CPM: variants seen among roughly 807,000 people sequenced by gnomAD.
CPM encodes renal carboxypeptidase.
Under a neutral mutation model 46.4 loss-of-function variants are expected in CPM, and 35 were observed. That is an observed-to-expected ratio of 0.75 (90% CI 0.58 to 1.00). The LOEUF (loss-of-function observed/expected upper bound fraction) is 1.00. Ranked by LOEUF, CPM falls within the 50% of genes least tolerant of loss-of-function variation. The pLI, the probability that CPM is intolerant of heterozygous loss-of-function variation, is 0.00. For missense variants in CPM, 422 were observed against 530.4 expected (o/e 0.80, Z 2.01); for synonymous variants, 195 against 195.3 (o/e 1.00, Z 0.01).
rs943660900 is a variant in CPM at position 68,877,263 on chromosome 12, C to G, written c.259-5307G>C. On this transcript the variant is annotated intron_variant, in intron 3 of 8. Transcript: ENST00000551568. ...AACTCCACCATCGAAGCCCCGAAGT[C>G]AGGGACCTTCACGGTTTTTCTCTGT... Among the ~76,000 whole-genome samples, 9 of 152,298 alleles carry G rather than the reference C, an allele frequency of 5.9e-5. No homozygotes were observed. In the South Asian group the frequency reaches 1.9e-3, roughly 32 times the overall value.
At chr12:68,951,549 G>C (rs1592715522) in intron 1 of CPM, among the ~76,000 whole-genome samples, 1 of 152,164 alleles carries the variant, frequency 6.6e-6, no homozygotes, top group African/African-American at 2.4e-5. Flanking sequence ...GGAATCTTCT[G>C]TCATTTTAGG....
chr12:68,895,016 G>A (rs138409137), intron 2 of CPM, among the ~76,000 whole-genome samples: 1 of 125,834 alleles, frequency 7.9e-6, no homozygotes, highest in East Asian at 2.3e-4. Context: ...GTGACAGAGC[G>A]AGACTCAGTC....
At chr12:68,844,986 T>C in intron 5 of CPM, 1 of 194,112 alleles carries the variant, frequency 5.2e-6, no homozygotes. Context: ...CAGGCTGGGC[T>C]CAAACTCCTG....
chr12:68,933,119 G>C (rs1429810891), intron 1 of CPM, 23 bp downstream of exon 1: 2 of 330,164 alleles, frequency 6.1e-6, no homozygotes, highest in Non-Finnish European at 1.1e-5. Context: ...GCTGCGCCCG[G>C]CCCCGCGCAC....
chr12:68,941,493 C>T (rs1265532780), intron 1 of CPM, among the ~76,000 whole-genome samples: 1 of 152,036 alleles, frequency 6.6e-6, no homozygotes, highest in East Asian at 1.9e-4. Context: ...CCCACCTGAG[C>T]CTCCCGGGTA....
At chr12:68,903,695 T>G (rs941159675) in intron 2 of CPM, among the ~76,000 whole-genome samples, 1 of 152,238 alleles carries the variant, frequency 6.6e-6, no homozygotes. Context: ...TGAGGCACAT[T>G]GCTCACTGGC....
At chr12:68,869,205 G>T in intron 6 of CPM, 120 bp downstream of exon 6, 1 of 765,708 alleles carries the variant, frequency 1.3e-6, no homozygotes, top group Non-Finnish European at 2.1e-6. Context: ...AGCTGATAAG[G>T]ACAGAGTGAA....
Position 68,948,936 on chromosome 12 carries a change from A to G in CPM, c.-4+14233T>C, listed in dbSNP as rs182759849. ...TGGAGTGGAGGTAAAAGTACTCATA[A>G]CTTGGTGCCCCACAGTTATTTGTGG... is the stretch of plus-strand genomic sequence containing the variant. On this transcript the variant is annotated intron_variant, in intron 1 of 8. Transcript: ENST00000546373. Among the ~76,000 whole-genome samples, 50 of 152,346 alleles carry G rather than the reference A, an allele frequency of 3.3e-4. No individual in the cohort carries two copies. The East Asian group carries it at 6.9e-3, about 21-fold the overall frequency.
At chr12:68,860,450 T>G (rs1227204567) in intron 7 of CPM, among the ~76,000 whole-genome samples, 4 of 152,184 alleles carry the variant, frequency 2.6e-5, no homozygotes, top group Non-Finnish European at 5.9e-5. Context: ...TTATTTTGTT[T>G]TATTTAATTA....
chr12:68,876,867 G>GGTGT (rs141965346), intron 3 of CPM, among the ~76,000 whole-genome samples: 6 of 150,266 alleles, frequency 4.0e-5, no homozygotes, highest in Admixed American at 1.3e-4. Flanking sequence ...AGTGTTGTGT[G>GGTGT]GTGTGTGTGT....
intron 2 of CPM, among the ~76,000 whole-genome samples, chr12:68,923,201 GTGTGTGTGTGTGTT>G (rs1888112810): frequency 6.9e-6 from 1 of 144,588 alleles, no homozygotes; most frequent in African/African-American, 2.6e-5. Context: ...GTGTGTGTGT[GTGTGTGTGTGTGTT>G]TTGAGTAATT....
intron 1 of CPM, among the ~76,000 whole-genome samples, chr12:68,949,703 G>A (rs961965296): frequency 2.0e-5 from 3 of 152,204 alleles, no homozygotes; most frequent in Non-Finnish European, 4.4e-5. Context: ...GGTGTATTAG[G>A]TTGTTGAATT....
intron 7 of CPM, among the ~76,000 whole-genome samples, chr12:68,860,739 C>T (rs768631895): frequency 1.3e-4 from 20 of 152,182 alleles, no homozygotes; most frequent in Non-Finnish European, 2.6e-4. Context: ...TTCTAGTTCT[C>T]AAGTCACTGA....
At chr12:68,941,578 T>A (rs1004787320) in intron 1 of CPM, among the ~76,000 whole-genome samples, 1 of 152,168 alleles carries the variant, frequency 6.6e-6, no homozygotes, top group African/African-American at 2.4e-5. Context: ...AGTCTCACCA[T>A]GTTGCCCAGG....
intron 2 of CPM, among the ~76,000 whole-genome samples, 164 bp downstream of exon 2, chr12:68,932,514 C>T (rs1383882568): frequency 6.6e-6 from 1 of 152,190 alleles, no homozygotes. Context: ...TACTATTCCT[C>T]CCAACAAAAG....
At chr12:68,857,499 A>C (rs1410941187) in intron 8 of CPM, among the ~76,000 whole-genome samples, 1 of 151,244 alleles carries the variant, frequency 6.6e-6, no homozygotes, top group Non-Finnish European at 1.5e-5. Context: ...GGTTTTGTTC[A>C]TATCAGCCTG....
rs1592700597 is a variant in CPM, at chr12:68,924,444, C to A, written c.160+8234G>T. ...GGAGTGAGCCGACATTGTGACACTG[C>A]ACTCCAGCATGGGCGACAGAGCGAG... On this transcript the variant is annotated intron_variant, in intron 2 of 8. Coordinates refer to ENST00000551568, the MANE Select transcript of CPM (RefSeq NM_198320.5). Among the ~76,000 whole-genome samples the A allele has an allele frequency of 2.0e-5, 3 of 149,294 alleles. No homozygotes were observed. The South Asian group carries it at 6.4e-4, about 32-fold the overall frequency.
At chr12:68,961,046 T>A (rs1450840760) in intron 1 of CPM, among the ~76,000 whole-genome samples, 1 of 152,234 alleles carries the variant, frequency 6.6e-6, no homozygotes, top group Non-Finnish European at 1.5e-5. Flanking sequence ...ACTTACTGGT[T>A]GTTACCCAAA....
At chr12:68,848,599 A>C (rs1884488380), downstream of CPM, 1 of 152,278 alleles carries the variant, frequency 6.6e-6, no homozygotes, top group Admixed American at 6.5e-5. Flanking sequence ...GTCTTGGCTG[A>C]AAAGCCTTTT....
Sources: gnomAD v4.1 joint callset for allele counts (sites outside exome capture counted in the v4.1 genomes callset) on GRCh38, gnomAD v4.1.1 for gene constraint, MANE v1.5 for transcripts, NCBI Gene and HGNC (gene_info 2026-07-23, HGNC 2026-07-21) for gene names.